The following AIM2 variants were observed in gnomAD, a reference collection of about 807,000 sequenced individuals.
AIM2 encodes the protein absent in melanoma 2.
In AIM2, 30 loss-of-function variants were observed where a neutral mutation model predicts 27.7. The observed-to-expected ratio is 1.08, with a 90% CI of 0.81 to 1.47. The LOEUF is 1.47. AIM2 is among the 40% of genes most tolerant of loss of function. AIM2 has a pLI of 0.00. For synonymous variants in AIM2, 141 were observed against 145.3 expected, an observed-to-expected ratio of 0.97 and a Z score of 0.21; for missense variants, 358 against 411.3, an observed-to-expected ratio of 0.87 and a Z score of 1.12.
At chr1:159,115,556 CA>C (rs1647313374) in intron 1 of AIM2, among the ~76,000 whole-genome samples, 1 of 152,156 alleles carries the variant, frequency 6.6e-6, no homozygotes, top group Admixed American at 6.5e-5. Flanking sequence ...TGATCTTTGA[CA>C]AACCTGACAA....
At chr1:159,073,601 T>A (rs939553951) in intron 1 of AIM2, 82 bp from the exon 2 acceptor site, 3 of 1,350,712 alleles carry the variant, frequency 2.2e-6, no homozygotes, top group South Asian at 2.9e-5. Context: ...GCTATTAATA[T>A]TTTTTAAAGA....
Position 159,073,311 on chromosome 1 carries a change from C to T in AIM2, c.189G>A (p.Met63Ile). 1 of 1,614,172 alleles carries T rather than the reference C, an allele frequency of 6.2e-7. No individual in the cohort carries two copies. Among genetic ancestry groups the T allele is most frequent in the Non-Finnish European group, 8.5e-7 (1 of 1,180,032 alleles). The change falls in exon 2 of 6, where the codon ATG becomes ATA. Residue 63 changes from methionine (M) to isoleucine (I), a missense_variant. Coordinates refer to ENST00000368130, the MANE Select transcript of AIM2 (RefSeq NM_004833.3). ...ACTTCTGAAAAATACGAATGGTCTT[C>T]ATCACTGCAGACACCGCCCCAGCAT... ...IQNAGAVSAV[M>I]KTIRIFQKLN...
chr1:159,098,834 C>A (rs544130298), intron 1 of AIM2, among the ~76,000 whole-genome samples: 3 of 151,920 alleles, frequency 2.0e-5, no homozygotes, highest in Non-Finnish European at 4.4e-5. Flanking sequence ...GGAGCTTTAG[C>A]GGAGGAAGAT....
intron 1 of AIM2, among the ~76,000 whole-genome samples, chr1:159,133,165 T>C (rs1303330520): frequency 6.6e-6 from 1 of 151,772 alleles, no homozygotes; most frequent in East Asian, 1.9e-4. Context: ...TTTATGTACT[T>C]GCTCTTGTTC....
chr1:159,116,267 C>T (rs1208272327), intron 1 of AIM2, among the ~76,000 whole-genome samples: 1 of 152,118 alleles, frequency 6.6e-6, no homozygotes, highest in Non-Finnish European at 1.5e-5. Context: ...TTGTGGAAGT[C>T]AGTGTGGCGA....
At chr1:159,146,786 G>T (rs185538334) in intron 1 of AIM2, among the ~76,000 whole-genome samples, 1 of 151,994 alleles carries the variant, frequency 6.6e-6, no homozygotes, top group African/African-American at 2.4e-5. Context: ...TCTAAATTCC[G>T]CTGTCGTTAA....
upstream of AIM2, among the ~76,000 whole-genome samples, chr1:159,145,245 T>A (rs1025802423): frequency 6.6e-6 from 1 of 152,172 alleles, no homozygotes; most frequent in African/African-American, 2.4e-5. Context: ...AAAATGGACA[T>A]ACATACCCAC....
chr1:159,070,519 C>T (rs915702810), intron 2 of AIM2, among the ~76,000 whole-genome samples: 3 of 152,160 alleles, frequency 2.0e-5, no homozygotes, highest in Non-Finnish European at 2.9e-5. Context: ...TGTTTGATGA[C>T]TTAAGGCACT....
At chr1:159,117,510 T>C (rs947434512) in intron 1 of AIM2, among the ~76,000 whole-genome samples, 5 of 152,192 alleles carry the variant, frequency 3.3e-5, no homozygotes, top group African/African-American at 4.8e-5. Context: ...ATATATGGTT[T>C]CTCCAGGAGG....
At chr1:159,088,766 T>C (rs1656979970) in intron 1 of AIM2, among the ~76,000 whole-genome samples, 1 of 152,140 alleles carries the variant, frequency 6.6e-6, no homozygotes, top group African/African-American at 2.4e-5. Context: ...GCTAGCTCAC[T>C]AAGCTGCCTC....
At position 159,062,509 on chromosome 1, in the gene AIM2, G is replaced by T; in HGVS notation, c.*183C>A. ...TGAATGAGAAACAGATGTTTATTGT[G>T]ATCATCTGTTGATATTCTGAATTTG... On this transcript the variant is annotated 3_prime_UTR_variant, in exon 6 of 6. Coordinates refer to ENST00000368130, the MANE Select transcript of AIM2 (RefSeq NM_004833.3). 1.6e-6 allele frequency: 1 copy of T among 611,214 alleles called. No individual in the cohort carries two copies. The highest frequency in any genetic ancestry group is 2.0e-5 in the South Asian group (1 of 48,796). The allele number at this position is 611,214 out of a possible 1,614,324, so 37.9% of individuals were successfully genotyped here.
At chr1:159,064,048 G>A (rs1655971807) in intron 4 of AIM2, among the ~76,000 whole-genome samples, 2 of 152,144 alleles carry the variant, frequency 1.3e-5, no homozygotes, top group Non-Finnish European at 2.9e-5. Context: ...ACAAAAATAT[G>A]TGTTAAGTGA....
upstream of AIM2, among the ~76,000 whole-genome samples, chr1:159,077,388 G>A (rs185210082): frequency 2.7e-4 from 41 of 152,368 alleles, 1 homozygote; most frequent in Admixed American, 1.9e-3. Flanking sequence ...CTGTCATGGC[G>A]TCAGGTGCAT....
intron 1 of AIM2, among the ~76,000 whole-genome samples, chr1:159,087,809 G>T (rs773240461): frequency 4.6e-4 from 70 of 152,194 alleles, no homozygotes; most frequent in Non-Finnish European, 9.0e-4. Flanking sequence ...CTGACCTCAA[G>T]TGATCCGCCT....
chr1:159,108,435 A>G (rs1657500223), intron 1 of AIM2, among the ~76,000 whole-genome samples: 1 of 152,164 alleles, frequency 6.6e-6, no homozygotes, highest in Non-Finnish European at 1.5e-5. Flanking sequence ...CAGCCAACAC[A>G]ATACTGAATG....
intron 1 of AIM2, among the ~76,000 whole-genome samples, chr1:159,132,783 C>T (rs573535760): frequency 2.0e-5 from 3 of 152,286 alleles, no homozygotes; most frequent in East Asian, 1.9e-4. Flanking sequence ...AGAGGCAGTC[C>T]AGTACCTCCA....
At chr1:159,065,615 A>C (rs972150552) in intron 4 of AIM2, among the ~76,000 whole-genome samples, 1 of 152,246 alleles carries the variant, frequency 6.6e-6, no homozygotes, top group Non-Finnish European at 1.5e-5. Context: ...AATAAAGATA[A>C]TATGTACAAA....
chr1:159,071,090 G>C (rs1656340300), intron 2 of AIM2, among the ~76,000 whole-genome samples: 1 of 152,254 alleles, frequency 6.6e-6, no homozygotes, highest in South Asian at 2.1e-4. Context: ...CAGGACTTTT[G>C]TGGACTTTGA....
At chr1:159,124,454 T>C (rs573408639) in intron 1 of AIM2, among the ~76,000 whole-genome samples, 1 of 152,358 alleles carries the variant, frequency 6.6e-6, no homozygotes, top group East Asian at 1.9e-4. Flanking sequence ...TTCTAGACTA[T>C]GTAAAACCTC....
Sources: gnomAD v4.1 joint callset for allele counts (sites outside exome capture counted in the v4.1 genomes callset) on GRCh38, gnomAD v4.1.1 for gene constraint, MANE v1.5 for transcripts, NCBI Gene and HGNC (gene_info 2026-07-23, HGNC 2026-07-21) for gene names.